Variants in CFAP20DC observed in about 807,000 individuals in gnomAD.
CFAP20DC encodes CFAP20 domain containing.
CFAP20DC carries 84 observed loss-of-function variants against 101.7 expected under a neutral mutation model. The observed-to-expected ratio is 0.83, with a 90% CI of 0.69 to 0.99. The LOEUF (loss-of-function observed/expected upper bound fraction) is 0.99. Ranked by LOEUF, CFAP20DC falls within the 50% of genes least tolerant of loss-of-function variation. CFAP20DC has a pLI of 0.00. For missense variants in CFAP20DC, 1,007 were observed against 970.3 expected, an observed-to-expected ratio of 1.04 and a Z score of -0.50; for synonymous variants, 359 against 351.2, an observed-to-expected ratio of 1.02 and a Z score of -0.25.
At position 58,722,517 on chromosome 3, in the gene CFAP20DC, A is replaced by G. The variant is rs1286905390; in HGVS notation, c.198-4889T>C. Among the ~76,000 whole-genome samples, 1 of 151,898 alleles carries G rather than the reference A, an allele frequency of 6.6e-6. No individual in the cohort carries two copies. The highest frequency in any genetic ancestry group is 1.5e-5 in the Non-Finnish European group (1 of 67,984). ...GGAACTCAGAGGTTCTGTTTAAAGG[A>G]CTCTAATTCTCTCTCGTGATGGAGT... is the stretch of plus-strand genomic sequence containing the variant. On this transcript the variant is annotated intron_variant, in intron 3 of 3. Transcript: ENST00000486145. The surrounding 1 kb of genome is among the most constrained non-coding windows in gnomAD (Gnocchi z 4.5).
intron 5 of CFAP20DC, among the ~76,000 whole-genome samples, chr3:58,931,380 A>G (rs199544725): frequency 1.5e-4 from 23 of 150,086 alleles, no homozygotes; most frequent in South Asian, 2.1e-4. Flanking sequence ...TAACCTCTGC[A>G]GACTTAAATG....
chr3:58,875,844 A>G (rs1576077158), intron 7 of CFAP20DC, among the ~76,000 whole-genome samples: 1 of 152,208 alleles, frequency 6.6e-6, no homozygotes, highest in African/African-American at 2.4e-5. Context: ...CAAAATGAAC[A>G]TATTAACCAG....
intron 4 of CFAP20DC, among the ~76,000 whole-genome samples, chr3:58,983,323 C>T (rs1273171784): frequency 6.6e-6 from 1 of 152,168 alleles, no homozygotes; most frequent in Non-Finnish European, 1.5e-5. Context: ...AAATATAAAT[C>T]TGGCTAATCC....
Position 58,789,862 on chromosome 3 carries a change from T to A in CFAP20DC, c.2237+16533A>T, listed in dbSNP as rs79220252. 4.9e-3 allele frequency among the ~76,000 whole-genome samples: 739 copies of A among 152,266 alleles called. 12 individuals carry two copies. The highest frequency in any genetic ancestry group is 0.017 in the African/African-American group (724 of 41,562). ...TCAAATCACCAGGCTACCATCATCATAATTATTCATGGTGTTACTGAGCTG... is the reference window on the plus strand; with the variant it reads ...TCAAATCACCAGGCTACCATCATCAAAATTATTCATGGTGTTACTGAGCTG... On this transcript the variant is annotated intron_variant, in intron 15 of 16. Coordinates refer to ENST00000482387, the MANE Select transcript of CFAP20DC (RefSeq NM_001394063.1).
intron 14 of CFAP20DC, among the ~76,000 whole-genome samples, chr3:58,825,748 G>A (rs1179259939): frequency 6.6e-6 from 1 of 152,136 alleles, no homozygotes. Flanking sequence ...CACAGAAGTT[G>A]TAAAGTATTG....
At chr3:58,794,446 G>A in intron 15 of CFAP20DC, 1 of 396,346 alleles carries the variant, frequency 2.5e-6, no homozygotes, top group Non-Finnish European at 5.2e-6. Context: ...TAAACAGCCT[G>A]GACTGTTGAC....
At chr3:58,749,751 AG>A in intron 16 of CFAP20DC, among the ~76,000 whole-genome samples, 1 of 152,334 alleles carries the variant, frequency 6.6e-6, no homozygotes, top group African/African-American at 2.4e-5. Context: ...GAATAATTTA[AG>A]GGTCATAACT....
chr3:58,973,570 G>C (rs1417994111), intron 4 of CFAP20DC, among the ~76,000 whole-genome samples: 2 of 152,150 alleles, frequency 1.3e-5, no homozygotes, highest in African/African-American at 2.4e-5. Flanking sequence ...ACACTGCTCT[G>C]AGAATGGAAT....
chr3:59,002,030 T>C lies in CFAP20DC; in HGVS notation c.278+37527A>G, dbSNP rs1033856262. Among the ~76,000 whole-genome samples the C allele has an allele frequency of 6.6e-6, 1 of 152,200 alleles. No individual in the cohort carries two copies. The highest frequency in any genetic ancestry group is 1.5e-5 in the Non-Finnish European group (1 of 68,036). On this transcript the variant is annotated intron_variant, in intron 4 of 16. Transcript: ENST00000482387. This position sits in a 1 kb window ranked among gnomAD's most constrained non-coding sequence, Gnocchi z 4.5. ...GGGTATATACTAAAATGCCGTGTGG[T>C]TGGCCACCATCTTAATCGTTTACCT...
intron 14 of CFAP20DC, among the ~76,000 whole-genome samples, chr3:58,817,901 T>G (rs1236201797): frequency 2.1e-4 from 31 of 150,584 alleles, no homozygotes; most frequent in Admixed American, 1.8e-3. Flanking sequence ...AAAGGTCGGG[T>G]TACCCTCAAA....
chr3:58,765,471 CAA>C (rs1288496269), intron 15 of CFAP20DC, among the ~76,000 whole-genome samples: 5 of 27,760 alleles, frequency 1.8e-4, no homozygotes, highest in Non-Finnish European at 2.9e-4. Context: ...ACATTCTAGC[CAA>C]AAAAAAAAAA....
At position 58,797,561 on chromosome 3, in the gene CFAP20DC, G is replaced by C. The variant is rs9823485; in HGVS notation, c.2237+8834C>G. The stretch of plus-strand genomic sequence containing the variant: ...ATAAAAATGCAAGCTGAAGCAACAA[G>C]TACTGATGTAGAAGCTGCAGCAAGT... On this transcript the variant is annotated intron_variant, in intron 15 of 16. Coordinates refer to ENST00000482387, the MANE Select transcript of CFAP20DC (RefSeq NM_001394063.1). 7.8e-3 allele frequency among the ~76,000 whole-genome samples: 1,188 copies of C among 152,302 alleles called. 15 individuals are homozygous for C. Among genetic ancestry groups the C allele is most frequent in the African/African-American group, 0.028 (1,153 of 41,572 alleles).
intron 3 of CFAP20DC, among the ~76,000 whole-genome samples, chr3:59,045,478 A>G (rs1699779959): frequency 6.6e-6 from 1 of 152,148 alleles, no homozygotes. Context: ...CATTCTGATA[A>G]ATCATATTCC....
chr3:58,978,716 C>CACA (rs2092391307), intron 4 of CFAP20DC, among the ~76,000 whole-genome samples: 2 of 66,556 alleles, frequency 3.0e-5, no homozygotes. Context: ...TCCCTGTCTG[C>CACA]AAAAAAAAAA....
Position 58,729,141 on chromosome 3 carries a change from C to T in CFAP20DC, c.198-11513G>A, listed in dbSNP as rs759336010. ...CTCATGAGAGACCCCAAGCCAGAAC[C>T]ACTCAGTTAGAGCACTCCTGAATTT... On this transcript the variant is annotated intron_variant, in intron 3 of 3. Transcript: ENST00000486145. This position sits in a 1 kb window ranked among gnomAD's most constrained non-coding sequence, Gnocchi z 4.4. Among the ~76,000 whole-genome samples, 1 of 152,160 alleles carries T rather than the reference C, an allele frequency of 6.6e-6. No homozygotes were observed. Among genetic ancestry groups the T allele is most frequent in the African/African-American group, 2.4e-5 (1 of 41,428 alleles).
downstream of CFAP20DC, among the ~76,000 whole-genome samples, chr3:58,738,783 G>A (rs2067815557): frequency 5.3e-5 from 8 of 152,180 alleles, no homozygotes; most frequent in South Asian, 1.7e-3. This position sits in a 1 kb window ranked among gnomAD's most constrained non-coding sequence, Gnocchi z 4.4. Flanking sequence ...TCATTATTCT[G>A]GCCATTTTGA....
chr3:58,859,500 A>G lies in CFAP20DC; in HGVS notation c.1593+4058T>C, dbSNP rs1412363334. 6.6e-6 allele frequency among the ~76,000 whole-genome samples: 1 copy of G among 152,260 alleles called. No individual in the cohort carries two copies. The highest frequency in any genetic ancestry group is 1.5e-5 in the Non-Finnish European group (1 of 68,046). ...AATGGTAGAATATTAGATTGCAAAT[A>G]GACAAGCATTTTGTAACTTTCTTCA... On this transcript the variant is annotated intron_variant, in intron 12 of 16. Transcript: ENST00000482387. This position sits in a 1 kb window ranked among gnomAD's most constrained non-coding sequence, Gnocchi z 4.1.
At chr3:58,871,828 C>T (rs1559743652) in intron 7 of CFAP20DC, among the ~76,000 whole-genome samples, 1 of 151,978 alleles carries the variant, frequency 6.6e-6, no homozygotes, top group Non-Finnish European at 1.5e-5. Flanking sequence ...GCACCTGGCC[C>T]CATAGGATTG....
At chr3:58,755,275 C>T (rs1355390527) in intron 15 of CFAP20DC, among the ~76,000 whole-genome samples, 7 of 152,060 alleles carry the variant, frequency 4.6e-5, no homozygotes, top group African/African-American at 1.7e-4. Context: ...CATAATAACA[C>T]ATTAAGGGCA....
Sources: allele counts gnomAD v4.1 joint callset (sites outside exome capture counted in the v4.1 genomes callset), GRCh38; gene constraint gnomAD v4.1.1; non-coding constraint Gnocchi (gnomAD v3.1); transcripts MANE v1.5; gene names NCBI Gene and HGNC (gene_info 2026-07-23, HGNC 2026-07-21).